ADGRL4: variants seen among roughly 807,000 people sequenced by gnomAD.
ADGRL4 encodes adhesion G protein-coupled receptor L4.
Under a neutral mutation model 74.8 loss-of-function variants are expected in ADGRL4, and 90 were observed. The ratio of observed to expected loss-of-function variants is 1.20; its 90% CI spans 1.02 to 1.43. ADGRL4 has a LOEUF of 1.43. ADGRL4 is among the 40% of genes most tolerant of loss of function. The probability of loss-of-function intolerance (pLI) is 0.00; values close to 1 mark genes in which losing one functional copy is unlikely to be tolerated. For missense variants in ADGRL4, 881 were observed against 814.3 expected (o/e 1.08, Z -1.00); for synonymous variants, 311 against 279.2 (o/e 1.11, Z -1.14).
Position 78,890,856 on chromosome 1 carries a change from G to GA in ADGRL4, c.*297dup, listed in dbSNP as rs1648256006. On this transcript the variant is annotated 3_prime_UTR_variant, in exon 15 of 15. Transcript: ENST00000370742. ...ATTCATATACTTCTCGTGTTAGAAA[G>GA]AAAATCTTTCCTTGGGTGCAGTGAT... 1 of 329,928 alleles carries GA rather than the reference G, an allele frequency of 3.0e-6. No homozygotes were observed. The highest frequency in any genetic ancestry group is 3.9e-5 in the South Asian group (1 of 25,690). The allele number at this position is 329,928 out of a possible 1,614,324, so 20.4% of individuals were successfully genotyped here. A position where few individuals can be genotyped will look rare whatever the true frequency, so the allele number is the denominator to read the frequency against.
At chr1:78,900,895 T>A (rs1648502591) in intron 12 of ADGRL4, among the ~76,000 whole-genome samples, 1 of 152,090 alleles carries the variant, frequency 6.6e-6, no homozygotes, top group Admixed American at 6.6e-5. Flanking sequence ...ATAATTATAG[T>A]TTTTATTATC....
Position 78,936,094 on chromosome 1 carries a change from C to A in ADGRL4, c.877+201G>T, listed in dbSNP as rs548306015. On this transcript the variant is annotated intron_variant, in intron 7 of 14. Transcript: ENST00000370742. ...AGCCGAGATTGCGCCACTGCACTCC[C>A]GCCTGGGCCACAGAGCGAGACTCCG... Among the ~76,000 whole-genome samples the A allele has an allele frequency of 1.0e-3, 23 of 22,002 alleles. 7 individuals carry two copies. Among genetic ancestry groups the A allele is most frequent in the Middle Eastern group, 0.071 (2 of 28 alleles). 14.4% of individuals were successfully genotyped at this position (22,002 alleles called of 152,430 possible).
chr1:78,982,242 C>T (rs1352030561), intron 2 of ADGRL4, among the ~76,000 whole-genome samples: 2 of 151,824 alleles, frequency 1.3e-5, no homozygotes, highest in African/African-American at 2.4e-5. Flanking sequence ...CAATTTCATG[C>T]TTTAACATTT....
intron 2 of ADGRL4, among the ~76,000 whole-genome samples, chr1:78,970,855 TA>T (rs1650153858): frequency 6.6e-6 from 1 of 152,180 alleles, no homozygotes; most frequent in African/African-American, 2.4e-5. Context: ...TCCCAAGCTG[TA>T]AACTGGTTGG....
In ADGRL4 at chr1:78,917,705, A is replaced by G; in HGVS notation, c.1683-5T>C. On this transcript the variant is annotated splice_polypyrimidine_tract_variant and splice_region_variant and intron_variant, in intron 11 of 14. Transcript: ENST00000370742. ...TTTTCGGTGCTAAGCCAACATCTGA[A>G]AAGTAAATAAAAGATAGAATCTATA... is the stretch of plus-strand genomic sequence containing the variant. 6.2e-7 allele frequency: 1 copy of G among 1,604,000 alleles called. No individual in the cohort carries two copies. Among genetic ancestry groups the G allele is most frequent in the Non-Finnish European group, 8.5e-7 (1 of 1,174,614 alleles).
rs186554421 is a variant in ADGRL4, at chr1:79,000,326, T to C, written c.172+4744A>G. Among the ~76,000 whole-genome samples, 362 of 152,278 alleles carry C rather than the reference T, an allele frequency of 2.4e-3. 3 individuals carry two copies. Among genetic ancestry groups the C allele is most frequent in the African/African-American group, 8.3e-3 (346 of 41,572 alleles). On this transcript the variant is annotated intron_variant, in intron 2 of 14. Coordinates refer to ENST00000370742, the MANE Select transcript of ADGRL4 (RefSeq NM_022159.4). ...GTACCTGATTAATTCTTGGTAATTA[T>C]CCTGTTAGATAAACATGAAACAAGA...
At chr1:78,970,650 T>C (rs1358004833) in intron 2 of ADGRL4, among the ~76,000 whole-genome samples, 1 of 152,176 alleles carries the variant, frequency 6.6e-6, no homozygotes, top group Non-Finnish European at 1.5e-5. Flanking sequence ...TGCTCCCCTT[T>C]TCCTAGATGG....
intron 7 of ADGRL4, among the ~76,000 whole-genome samples, chr1:78,931,971 A>G (rs1314301049): frequency 1.3e-5 from 2 of 151,498 alleles, no homozygotes; most frequent in Non-Finnish European, 2.9e-5. Flanking sequence ...CTCCCATCCA[A>G]TAATAGTGGG....
In ADGRL4 at chr1:78,920,209, C is replaced by T. The variant is rs749519900; in HGVS notation, c.1435G>A (p.Val479Ile). ...SLFLAELVFLVGINTNTNKLF... is the reference protein window; with the variant it reads ...SLFLAELVFLIGINTNTNKLF... Reference sequence around the variant, plus strand: ...TTATTAGTATTTGTATTGATCCCAACAAGAAAAACAAGTTCAGCAAGAAAT... The same window carrying T: ...TTATTAGTATTTGTATTGATCCCAATAAGAAAAACAAGTTCAGCAAGAAAT... The change falls in exon 10 of 15, where the codon GTT becomes ATT. Residue 479 changes from valine to isoleucine, a missense_variant. Transcript: ENST00000370742. 1.9e-6 allele frequency: 3 copies of T among 1,611,392 alleles called. No homozygotes were observed. In the Admixed American group the frequency reaches 5.0e-5, roughly 27 times the overall value.
At chr1:78,998,702 T>C (rs1570280395) in intron 2 of ADGRL4, among the ~76,000 whole-genome samples, 1 of 152,132 alleles carries the variant, frequency 6.6e-6, no homozygotes, top group East Asian at 1.9e-4. Flanking sequence ...TATATGATTG[T>C]TTTGATAATG....
At chr1:78,942,128 A>G (rs921259498) in intron 3 of ADGRL4, among the ~76,000 whole-genome samples, 1 of 135,566 alleles carries the variant, frequency 7.4e-6, no homozygotes, top group Non-Finnish European at 1.5e-5. Flanking sequence ...TGAACCTGGG[A>G]GCACCACTGC....
At chr1:78,939,516 T>C (rs1557505595) in intron 3 of ADGRL4, 4 of 229,426 alleles carry the variant, frequency 1.7e-5, no homozygotes, top group South Asian at 1.2e-4. Context: ...GGCTTTCATT[T>C]CTTTGTTCCA....
Position 78,946,281 on chromosome 1 carries a change from G to C in ADGRL4, c.318C>G (p.Val106=), listed in dbSNP as rs1245109304. 1 of 1,610,446 alleles carries C rather than the reference G, an allele frequency of 6.2e-7. No homozygotes were observed. Residue 106 remains valine, a synonymous_variant, in exon 3 of 15, where the codon GTC becomes GTG. Coordinates refer to ENST00000370742, the MANE Select transcript of ADGRL4 (RefSeq NM_022159.4). Reference sequence around the variant, plus strand: ...TTAGATAACCGAACTTACCTATACAGACGGTTCCATCATTAGTGATAAACC... The same window carrying C: ...TTAGATAACCGAACTTACCTATACACACGGTTCCATCATTAGTGATAAACC... ...QDRFITNDGT[V]CIENVNANCH...
rs1570233624 is a variant in ADGRL4, at chr1:78,926,831, C to A, written c.1083+55G>T. The stretch of plus-strand genomic sequence containing the variant: ...AATTTAAGTGACACAACAAAGAGTC[C>A]AGTTCTCTGACTGTATCACAATCAT... On this transcript the variant is annotated intron_variant, in intron 8 of 14. Transcript: ENST00000370742. The A allele has an allele frequency of 3.9e-6, 5 of 1,273,292 alleles. No individual in the cohort carries two copies. The East Asian group carries it at 9.4e-5, about 24-fold the overall frequency. 78.9% of individuals were successfully genotyped at this position (1,273,292 alleles called of 1,614,324 possible). A position where few individuals can be genotyped will look rare whatever the true frequency, so the allele number is the denominator to read the frequency against.
intron 3 of ADGRL4, among the ~76,000 whole-genome samples, chr1:78,945,767 T>G (rs1570246491): frequency 6.6e-6 from 1 of 152,122 alleles, no homozygotes; most frequent in East Asian, 1.9e-4. Context: ...GACTCTAGTG[T>G]TCAGAAAAAC....
intron 3 of ADGRL4, among the ~76,000 whole-genome samples, chr1:78,945,430 G>A (rs993662421): frequency 6.6e-6 from 1 of 151,716 alleles, no homozygotes; most frequent in Non-Finnish European, 1.5e-5. Context: ...TTATTGATAA[G>A]TTGAATATTT....
rs542843085 is a variant in ADGRL4, at chr1:78,960,720, C to T, written c.173-14294G>A. 3.3e-5 allele frequency among the ~76,000 whole-genome samples: 5 copies of T among 152,208 alleles called. No homozygotes were observed. The East Asian group carries it at 9.7e-4, about 29-fold the overall frequency. The stretch of plus-strand genomic sequence containing the variant: ...TGGTATTAGGAATTAGGAACTTTTC[C>T]AGGTGAATGGAATTAGTGCCCTTAC... On this transcript the variant is annotated intron_variant, in intron 2 of 14. Transcript: ENST00000370742.
intron 2 of ADGRL4, among the ~76,000 whole-genome samples, chr1:78,978,000 C>T (rs1185709910): frequency 6.6e-6 from 1 of 151,876 alleles, no homozygotes; most frequent in South Asian, 2.1e-4. Flanking sequence ...TTAATAGTAT[C>T]CTTCAAACAA....
intron 2 of ADGRL4, among the ~76,000 whole-genome samples, chr1:78,993,675 T>C (rs538015726): frequency 6.6e-6 from 1 of 152,078 alleles, no homozygotes; most frequent in Admixed American, 6.5e-5. Flanking sequence ...CTCATGCCAT[T>C]CTTCTGTCTC....
Sources: gnomAD v4.1 joint callset for allele counts (sites outside exome capture counted in the v4.1 genomes callset) on GRCh38, gnomAD v4.1.1 for gene constraint, MANE v1.5 for transcripts, NCBI Gene and HGNC (gene_info 2026-07-23, HGNC 2026-07-21) for gene names.